SEMA3A: variants seen among roughly 807,000 people sequenced by gnomAD.
SEMA3A encodes semaphorin-3A.
In SEMA3A, 29 loss-of-function variants were observed where a neutral mutation model predicts 97.9. The ratio of observed to expected loss-of-function variants is 0.30; its 90% CI spans 0.22 to 0.40. The LOEUF (loss-of-function observed/expected upper bound fraction) is 0.40, where lower values mean the gene tolerates loss of function less well. SEMA3A is among the 10% of genes least tolerant of loss of function. SEMA3A has a pLI of 1.00. For missense variants in SEMA3A, 763 were observed against 951.3 expected, an observed-to-expected ratio of 0.80 and a Z score of 2.60; for synonymous variants, 321 against 323.7, an observed-to-expected ratio of 0.99 and a Z score of 0.09.
chr7:84,408,558 A>T (rs930394034), intron 1 of SEMA3A, among the ~76,000 whole-genome samples: 1 of 152,138 alleles, frequency 6.6e-6, no homozygotes, highest in African/African-American at 2.4e-5. Context: ...TACCCAAAGG[A>T]TTATAAATCA....
intron 1 of SEMA3A, among the ~76,000 whole-genome samples, chr7:84,378,318 A>G (rs572345698): frequency 6.6e-6 from 1 of 152,292 alleles, no homozygotes; most frequent in Admixed American, 6.5e-5. Context: ...CCAAATGCCC[A>G]TCAATGATAG....
In SEMA3A at chr7:84,425,861, C is replaced by T. The variant is rs1804810793; in HGVS notation, c.-245-53961G>A. 1.8e-5 allele frequency among the ~76,000 whole-genome samples: 2 copies of T among 110,342 alleles called. 1 individual carries two copies. The highest frequency in any genetic ancestry group is 2.0e-4 in the Admixed American group (2 of 9,998). 72.4% of individuals were successfully genotyped at this position (110,342 alleles called of 152,430 possible). A position where few individuals can be genotyped will look rare whatever the true frequency, so the allele number is the denominator to read the frequency against. ...ATATATAATGTTTATATAACACACA[C>T]ACACACACACACACACCCACACACA... On this transcript the variant is annotated intron_variant, in intron 1 of 3. Coordinates refer to the SEMA3A transcript ENST00000424555.
At chr7:84,323,489 G>A (rs2115918967) in intron 2 of SEMA3A, among the ~76,000 whole-genome samples, 1 of 152,114 alleles carries the variant, frequency 6.6e-6, no homozygotes, top group Middle Eastern at 3.4e-3. Flanking sequence ...CTCTGATGAA[G>A]AGAAATCATG....
chr7:84,200,295 A>C (rs1352700059), intron 3 of SEMA3A, among the ~76,000 whole-genome samples: 1 of 152,160 alleles, frequency 6.6e-6, no homozygotes, highest in Non-Finnish European at 1.5e-5. Flanking sequence ...CTTAATATTA[A>C]AACAATACAG....
chr7:84,406,955 A>G (rs189401847), intron 1 of SEMA3A, among the ~76,000 whole-genome samples: 4,003 of 152,246 alleles, frequency 0.026, 160 homozygotes, highest in African/African-American at 0.088. Flanking sequence ...TACTGAATGG[A>G]CAAAAACTGG....
chr7:84,273,015 A>G (rs954415456), intron 3 of SEMA3A, among the ~76,000 whole-genome samples: 3 of 152,096 alleles, frequency 2.0e-5, no homozygotes, highest in Non-Finnish European at 4.4e-5. Flanking sequence ...GTGCATGCCA[A>G]CCTTTATCAA....
intron 5 of SEMA3A, among the ~76,000 whole-genome samples, chr7:84,057,582 T>C (rs910886808): frequency 2.6e-5 from 4 of 151,778 alleles, no homozygotes; most frequent in African/African-American, 4.8e-5. Context: ...CTGACCAACA[T>C]GGTGAAACCT....
At chr7:84,291,182 T>C (rs1367479133) in intron 3 of SEMA3A, among the ~76,000 whole-genome samples, 2 of 152,056 alleles carry the variant, frequency 1.3e-5, no homozygotes, top group African/African-American at 2.4e-5. Flanking sequence ...TTCAATGAGC[T>C]ATAAGATAAA....
intron 2 of SEMA3A, among the ~76,000 whole-genome samples, chr7:84,133,856 CT>C (rs1368003632): frequency 6.8e-6 from 1 of 146,416 alleles, no homozygotes; most frequent in Non-Finnish European, 1.5e-5. Context: ...CGAGACCATC[CT>C]GGCTAACACG....
chr7:84,048,735 G>C (rs947162438), intron 5 of SEMA3A, among the ~76,000 whole-genome samples: 1 of 151,972 alleles, frequency 6.6e-6, no homozygotes, highest in Admixed American at 6.6e-5. Flanking sequence ...GATTTAGTCA[G>C]ACCATGTCAA....
intron 3 of SEMA3A, among the ~76,000 whole-genome samples, chr7:84,305,176 T>C (rs553304071): frequency 3.3e-5 from 5 of 151,850 alleles, no homozygotes; most frequent in African/African-American, 1.2e-4. Context: ...AATAATTATT[T>C]ATATAAGCTA....
At chr7:84,362,192 C>G (rs758186094) in intron 2 of SEMA3A, among the ~76,000 whole-genome samples, 1 of 151,656 alleles carries the variant, frequency 6.6e-6, no homozygotes, top group African/African-American at 2.4e-5. Context: ...CCAACCTGGG[C>G]AATGTACTGA....
chr7:83,955,801 T>G lies in SEMA3A; in HGVS notation c.*5570A>C, dbSNP rs906856045. On this transcript the variant is annotated 3_prime_UTR_variant, in exon 17 of 17. Coordinates refer to ENST00000265362, the MANE Select transcript of SEMA3A (RefSeq NM_006080.3). ...ATGGATATTTTACAAATGTATTTAC[T>G]TGAGATCTAATGCTTCAGTGAGATT... 5 of 152,186 alleles carry G rather than the reference T, an allele frequency of 3.3e-5. No individual in the cohort carries two copies. Among genetic ancestry groups the G allele is most frequent in the Non-Finnish European group, 7.3e-5 (5 of 68,032 alleles). 9.4% of individuals were successfully genotyped at this position (152,186 alleles called of 1,614,324 possible).
At chr7:84,338,995 T>TTA (rs1802098764) in intron 2 of SEMA3A, among the ~76,000 whole-genome samples, 1 of 152,190 alleles carries the variant, frequency 6.6e-6, no homozygotes, top group Non-Finnish European at 1.5e-5. Context: ...TTTTTATATG[T>TTA]TATAGCTCAG....
chr7:83,996,380 G>A (rs1276499169), intron 12 of SEMA3A, among the ~76,000 whole-genome samples: 5 of 140,398 alleles, frequency 3.6e-5, no homozygotes, highest in African/African-American at 1.1e-4. Context: ...TCAGCCCACT[G>A]AAACCTCCAC....
intron 2 of SEMA3A, among the ~76,000 whole-genome samples, chr7:84,130,070 T>C (rs1421403833): frequency 1.3e-5 from 2 of 152,100 alleles, no homozygotes; most frequent in Non-Finnish European, 2.9e-5. Context: ...GACTCCTATC[T>C]GTATAGGGGC....
intron 5 of SEMA3A, among the ~76,000 whole-genome samples, chr7:84,050,299 G>T (rs1440328391): frequency 6.6e-6 from 1 of 152,136 alleles, no homozygotes; most frequent in African/African-American, 2.4e-5. Flanking sequence ...CTTCCACAAT[G>T]GTTGAACTAG....
At chr7:84,391,284 G>A (rs1049860078) in intron 1 of SEMA3A, among the ~76,000 whole-genome samples, 2 of 152,078 alleles carry the variant, frequency 1.3e-5, no homozygotes, top group African/African-American at 4.8e-5. Flanking sequence ...ATTGATTAAA[G>A]GCAAATAGAC....
At chr7:84,414,754 CA>C (rs1315928201) in intron 1 of SEMA3A, among the ~76,000 whole-genome samples, 3 of 151,758 alleles carry the variant, frequency 2.0e-5, no homozygotes, top group Non-Finnish European at 2.9e-5. Context: ...GCGAAATGAA[CA>C]AAGTGTAATT....
Sources: allele counts gnomAD v4.1 joint callset (sites outside exome capture counted in the v4.1 genomes callset), GRCh38; gene constraint gnomAD v4.1.1; transcripts MANE v1.5; gene names NCBI Gene and HGNC (gene_info 2026-07-23, HGNC 2026-07-21).